KCNT2: variants seen among roughly 807,000 people sequenced by gnomAD.
KCNT2 encodes the protein potassium sodium-activated channel subfamily T member 2.
In KCNT2, 67 loss-of-function variants were observed where a neutral mutation model predicts 153.8. The observed-to-expected ratio is 0.44, with a 90% CI of 0.36 to 0.53. The LOEUF is 0.53. Among genes scored for constraint, KCNT2 ranks in the 20% least tolerant of loss-of-function variants. KCNT2 has a pLI of 0.00. For missense variants in KCNT2, 975 were observed against 1,354.8 expected, an observed-to-expected ratio of 0.72 and a Z score of 4.40; for synonymous variants, 500 against 458.8, an observed-to-expected ratio of 1.09 and a Z score of -1.15.
chr1:196,247,086 G>A (rs1402182946), intron 26 of KCNT2, among the ~76,000 whole-genome samples: 2 of 151,814 alleles, frequency 1.3e-5, no homozygotes, highest in Non-Finnish European at 2.9e-5. Context: ...AAAAAGGTAT[G>A]GAAAAAGACA....
chr1:196,489,918 G>T lies in KCNT2; in HGVS notation c.195C>A (p.Phe65Leu), dbSNP rs1271079961. Residue 65 changes from phenylalanine to leucine, a missense_variant, in exon 3 of 28, where the codon TTC becomes TTA. By Grantham distance (22) the Phe-to-Leu change is conservative. Around this residue, in one of 6 missense-constraint regions of KCNT2, gnomAD observed 140 missense variants for 216.0 expected, o/e 0.65. Transcript: ENST00000294725. ...NQRSSLRIRL[F>L]NFSLKLLSCL... ...AGCTTAGTAATTTGAGAGAAAAATT[G>T]AACAGGCGTATCCTTAGACCTTTAA... The T allele has an allele frequency of 5.1e-6, 8 of 1,572,052 alleles. No homozygotes were observed. Among genetic ancestry groups the T allele is most frequent in the South Asian group, 1.2e-5 (1 of 86,230 alleles).
chr1:196,483,859 G>A (rs1679206870), intron 3 of KCNT2, among the ~76,000 whole-genome samples: 1 of 152,116 alleles, frequency 6.6e-6, no homozygotes, highest in Admixed American at 6.6e-5. Context: ...GCCTTGCTAA[G>A]TACCTGCATA....
At chr1:196,443,347 T>C (rs1428941994) in intron 8 of KCNT2, among the ~76,000 whole-genome samples, 1 of 151,490 alleles carries the variant, frequency 6.6e-6, no homozygotes, top group Non-Finnish European at 1.5e-5. Context: ...GGCATATTTG[T>C]AACCACAAAT....
chr1:196,258,164 CAT>C (rs1558073526), intron 26 of KCNT2, 28 bp downstream of exon 26: 6 of 1,604,298 alleles, frequency 3.7e-6, no homozygotes, highest in Non-Finnish European at 5.1e-6. Flanking sequence ...ATCACGAGTC[CAT>C]ATATACAGTA....
chr1:196,264,243 C>T (rs967529710), intron 25 of KCNT2, among the ~76,000 whole-genome samples: 1 of 152,110 alleles, frequency 6.6e-6, no homozygotes, highest in Non-Finnish European at 1.5e-5. Flanking sequence ...GCTCTTAGAA[C>T]TTAAATAATG....
intron 1 of KCNT2, among the ~76,000 whole-genome samples, chr1:196,497,489 A>C (rs1680347182): frequency 6.6e-6 from 1 of 152,130 alleles, no homozygotes. Context: ...GTAAAGTATA[A>C]TGGAGGCTGT....
At chr1:196,292,111 T>G (rs1347278739) in intron 22 of KCNT2, among the ~76,000 whole-genome samples, 1 of 152,190 alleles carries the variant, frequency 6.6e-6, no homozygotes, top group African/African-American at 2.4e-5. Context: ...TATTTCTCAA[T>G]TTACTTTTAC....
Position 196,334,487 on chromosome 1 carries a change from C to CTTTTTTTTTTTTTTTTTTTGTTTT in KCNT2, c.1784-428_1784-427insAAAACAAAAAAAAAAAAAAAAAAA, listed in dbSNP as rs533230418. ...TTTTCTTTTATTTCTTTCTTTCTTT[C>CTTTTTTTTTTTTTTTTTTTGTTTT]TTTTTTTTTTTTAAGACAGAGTCTC... On this transcript the variant is annotated intron_variant, in intron 16 of 27. Coordinates refer to ENST00000294725, the MANE Select transcript of KCNT2 (RefSeq NM_198503.5). Among the ~76,000 whole-genome samples the CTTTTTTTTTTTTTTTTTTTGTTTT allele has an allele frequency of 2.3e-5, 2 of 87,264 alleles. 1 individual carries two copies. Among genetic ancestry groups the CTTTTTTTTTTTTTTTTTTTGTTTT allele is most frequent in the Non-Finnish European group, 4.4e-5 (2 of 45,154 alleles). 57.2% of individuals were successfully genotyped at this position (87,264 alleles called of 152,430 possible). A position where few individuals can be genotyped will look rare whatever the true frequency, so the allele number is the denominator to read the frequency against.
At chr1:196,255,962 T>A (rs1342170110) in intron 26 of KCNT2, among the ~76,000 whole-genome samples, 1 of 151,976 alleles carries the variant, frequency 6.6e-6, no homozygotes, top group Non-Finnish European at 1.5e-5. Flanking sequence ...TCCTCCTGCA[T>A]GTTAATCACT....
intron 1 of KCNT2, among the ~76,000 whole-genome samples, chr1:196,522,061 A>G (rs1653506940): frequency 6.6e-6 from 1 of 152,238 alleles, no homozygotes; most frequent in African/African-American, 2.4e-5. Context: ...AGTTTTGTCT[A>G]ACAATACACC....
At chr1:196,304,262 G>T (rs1310060041) in intron 22 of KCNT2, among the ~76,000 whole-genome samples, 1 of 152,040 alleles carries the variant, frequency 6.6e-6, no homozygotes, top group Non-Finnish European at 1.5e-5. Flanking sequence ...TGTCATAATT[G>T]GTAATTAAAA....
intron 25 of KCNT2, among the ~76,000 whole-genome samples, chr1:196,264,685 G>A (rs146944708): frequency 1.3e-5 from 2 of 151,558 alleles, no homozygotes; most frequent in East Asian, 3.9e-4. Context: ...TAGGCTGGAG[G>A]GCAGTGGCAG....
rs558559321 is a variant in KCNT2, at chr1:196,593,166, C to T, written c.95+15049G>A. On this transcript the variant is annotated intron_variant, in intron 1 of 27. Coordinates refer to ENST00000294725, the MANE Select transcript of KCNT2 (RefSeq NM_198503.5). Reference sequence around the variant, plus strand: ...CTTAGCTTCCACTTATGAGTGAGAACATATGATGTTTCGTTTTCCATTCCT... The same window carrying T: ...CTTAGCTTCCACTTATGAGTGAGAATATATGATGTTTCGTTTTCCATTCCT... Among the ~76,000 whole-genome samples the T allele has an allele frequency of 1.6e-3, 242 of 150,914 alleles. 8 individuals carry two copies. The highest frequency in any genetic ancestry group is 0.013 in the Admixed American group (204 of 15,114).
intron 1 of KCNT2, among the ~76,000 whole-genome samples, chr1:196,518,435 C>T (rs1054317409): frequency 6.8e-6 from 1 of 147,802 alleles, no homozygotes; most frequent in African/African-American, 2.5e-5. Context: ...TGGAAACAGG[C>T]TAAATCTCAC....
intron 1 of KCNT2, among the ~76,000 whole-genome samples, chr1:196,561,268 G>A (rs977966743): frequency 6.6e-5 from 10 of 151,302 alleles, no homozygotes; most frequent in Admixed American, 5.9e-4. Context: ...AGAAAAAATG[G>A]TCAAAGTTTT....
rs553934101 is a variant in KCNT2 at position 196,488,472 on chromosome 1, T to A, written c.275+1366A>T. ...ACATAGAAGTTAATTGTAGGAAACTTTGTTCCTCTTAATGTTTTCAAATAA... is the reference window on the plus strand; with the variant it reads ...ACATAGAAGTTAATTGTAGGAAACTATGTTCCTCTTAATGTTTTCAAATAA... On this transcript the variant is annotated intron_variant, in intron 3 of 27. Coordinates refer to ENST00000294725, the MANE Select transcript of KCNT2 (RefSeq NM_198503.5). 6.4e-3 allele frequency among the ~76,000 whole-genome samples: 876 copies of A among 137,740 alleles called. 13 individuals carry two copies. Among genetic ancestry groups the A allele is most frequent in the African/African-American group, 0.028 (826 of 29,192 alleles). 90.4% of individuals were successfully genotyped at this position (137,740 alleles called of 152,430 possible).
chr1:196,259,187 A>G (rs1215104947), intron 25 of KCNT2, among the ~76,000 whole-genome samples: 4 of 152,166 alleles, frequency 2.6e-5, no homozygotes, highest in Non-Finnish European at 2.9e-5. Context: ...AATATACTGT[A>G]GAATTACAAC....
intron 8 of KCNT2, among the ~76,000 whole-genome samples, chr1:196,430,283 G>A (rs979331751): frequency 2.6e-5 from 4 of 151,722 alleles, no homozygotes; most frequent in African/African-American, 9.7e-5. Context: ...CACACTAAAA[G>A]GTGAGACCAT....
intron 8 of KCNT2, among the ~76,000 whole-genome samples, chr1:196,450,353 A>T (rs905474230): frequency 6.6e-6 from 1 of 151,934 alleles, no homozygotes; most frequent in Non-Finnish European, 1.5e-5. Context: ...GATGATTACC[A>T]AATTTACACA....
Sources: allele counts gnomAD v4.1 joint callset (sites outside exome capture counted in the v4.1 genomes callset), GRCh38; gene constraint gnomAD v4.1.1; regional missense constraint gnomAD v4.1.1; transcripts MANE v1.5; gene names NCBI Gene and HGNC (gene_info 2026-07-23, HGNC 2026-07-21).